The following CACTIN variants were observed in gnomAD, a reference collection of about 807,000 sequenced individuals.
The protein encoded by CACTIN is cactin, spliceosome C complex subunit, also known as splicing factor Cactin.
A neutral mutation model predicts 84.9 loss-of-function variants in CACTIN; 20 were observed. That is an observed-to-expected ratio of 0.24 (90% CI 0.17 to 0.34). CACTIN has a LOEUF of 0.34. CACTIN is among the 10% of genes least tolerant of loss of function. The pLI is 1.00. For missense variants in CACTIN, 897 were observed against 1,117.2 expected (o/e 0.80, Z 2.81); for synonymous variants, 549 against 467.9 (o/e 1.17, Z -2.24).
intron 1 of CACTIN, among the ~76,000 whole-genome samples, chr19:3,625,302 G>A (rs2033310767): frequency 6.6e-6 from 1 of 152,166 alleles, no homozygotes; most frequent in Non-Finnish European, 1.5e-5. Context: ...TCATTGCAGA[G>A]CCCTTAAATA....
intron 7 of CACTIN, chr19:3,614,025 CAGG>C: frequency 2.1e-6 from 1 of 465,540 alleles, no homozygotes; most frequent in South Asian, 2.4e-5. Context: ...TGGGAGGGCG[CAGG>C]CCTGGGCGCA....
At position 3,623,966 on chromosome 19, in the gene CACTIN, C is replaced by G; in HGVS notation, c.364G>C (p.Gly122Arg). 1 of 1,603,606 alleles carries G rather than the reference C, an allele frequency of 6.2e-7. No individual in the cohort carries two copies. Among genetic ancestry groups the G allele is most frequent in the Non-Finnish European group, 8.5e-7 (1 of 1,178,596 alleles). The change falls in exon 2 of 10, where the codon GGG becomes CGG. Residue 122 changes from glycine (G) to arginine (R), a missense_variant. Gly to Arg is a moderately radical substitution (Grantham distance 125). Around this residue, in one of 8 missense-constraint regions of CACTIN, gnomAD observed 261 missense variants for 243.8 expected, o/e 1.07. Transcript: ENST00000429344. ...SSSASSSASPGRSQSPRAAAA... is the reference protein window; with the variant it reads ...SSSASSSASPRRSQSPRAAAA... ...GCCGCCCGGGGGCTCTGGGATCGCCCTGGAGACGCGGAGCTGGATGCTGAG... is the reference window on the plus strand; with the variant it reads ...GCCGCCCGGGGGCTCTGGGATCGCCGTGGAGACGCGGAGCTGGATGCTGAG...
intron 7 of CACTIN, 126 bp downstream of exon 7, chr19:3,614,271 T>C: frequency 9.9e-7 from 1 of 1,012,592 alleles, no homozygotes; most frequent in Admixed American, 2.1e-5. Context: ...GTCGGCACTT[T>C]CCTGCCCCTC....
Position 3,613,102 on chromosome 19 carries a change from T to C in CACTIN, c.1742A>G (p.Asp581Gly), listed in dbSNP as rs754383114. 1.9e-6 allele frequency: 3 copies of C among 1,593,936 alleles called. No individual in the cohort carries two copies. In the Admixed American group the frequency reaches 5.1e-5, roughly 27 times the overall value. ...LDAHVLEPDE[D>G]LQRLQLSRQQ... ...GCGCGAGAGCTGCAGGCGCTGCAGG[T>C]CCTCATCCGGTTCCAGCACGTGCGC... Residue 581 changes from aspartate to glycine, a missense_variant, in exon 9 of 10, where the codon GAC becomes GGC. Asp to Gly is a moderately conservative substitution (Grantham distance 94). Around this residue, in one of 8 missense-constraint regions of CACTIN, gnomAD observed 243 missense variants for 239.9 expected, o/e 1.01. Transcript: ENST00000429344.
At chr19:3,616,399 A>T (rs1012120446) in intron 6 of CACTIN, 1 of 152,134 alleles carries the variant, frequency 6.6e-6, no homozygotes, top group South Asian at 2.1e-4. Context: ...TCACGAGGTC[A>T]GGAGATCAAG....
In CACTIN at chr19:3,612,160, G is replaced by T. The variant is rs772866336; in HGVS notation, c.2040C>A (p.Ile680=). Residue 680 remains isoleucine, a synonymous_variant, in exon 10 of 10, where the codon ATC becomes ATA. Transcript: ENST00000429344. ...GCTTGTCGATGAGGTCGGGGTAGAA[G>T]ATGTTGAACTTGTATCCCTGCACGA... The part of the protein sequence containing the change: ...PKIVQGYKFN[I]FYPDLIDKRS... 4 of 1,613,730 alleles carry T rather than the reference G, an allele frequency of 2.5e-6. No homozygotes were observed. The South Asian group carries it at 3.3e-5, about 13-fold the overall frequency.
At position 3,610,949 on chromosome 19, in the gene CACTIN, G is replaced by A. The variant is rs753298318; in HGVS notation, c.*974C>T. The A allele has an allele frequency of 1.5e-5, 7 of 456,628 alleles. No individual in the cohort carries two copies. Among genetic ancestry groups the A allele is most frequent in the Non-Finnish European group, 2.6e-5 (6 of 226,988 alleles). 28.3% of individuals were successfully genotyped at this position (456,628 alleles called of 1,614,324 possible). On this transcript the variant is annotated 3_prime_UTR_variant, in exon 10 of 10. Coordinates refer to ENST00000429344, the MANE Select transcript of CACTIN (RefSeq NM_001080543.2). ...CACTCCGACCTGGGCTGTGGCACCC[G>A]TGTGGCCCTCGGCCCTCCTGGCCTG...
intron 2 of CACTIN, 34 bp from the exon 3 acceptor site, chr19:3,620,836 G>A (rs757977018): frequency 6.4e-7 from 1 of 1,565,644 alleles, no homozygotes; most frequent in African/African-American, 1.4e-5. Flanking sequence ...CCTGAGCACA[G>A]ACCCGCCCCC....
chr19:3,618,428 G>C (rs567333392), intron 6 of CACTIN, among the ~76,000 whole-genome samples: 11 of 152,336 alleles, frequency 7.2e-5, no homozygotes, highest in East Asian at 1.9e-4. Flanking sequence ...ACACGGAGGG[G>C]GGGGAAACGT....
chr19:3,624,024 C>T lies in CACTIN; in HGVS notation c.306G>A (p.Arg102=). The T allele has an allele frequency of 6.2e-7, 1 of 1,605,558 alleles. No homozygotes were observed. ...GAGACCACGAGCGTGCGCGCCGTCG[C>T]CGGCGAGCCCACTGGCCCCGTGACT... is the stretch of plus-strand genomic sequence containing the variant. ...EEQSRGQWAR[R]RRRARSWSPS... The change falls in exon 2 of 10, where the codon CGG becomes CGA. Residue 102 remains arginine, a synonymous_variant. Coordinates refer to ENST00000429344, the MANE Select transcript of CACTIN (RefSeq NM_001080543.2).
chr19:3,613,103 C>T lies in CACTIN; in HGVS notation c.1741G>A (p.Asp581Asn). ...LDAHVLEPDE[D>N]LQRLQLSRQQ... is the part of the protein sequence containing the mutation. ...CGCGAGAGCTGCAGGCGCTGCAGGT[C>T]CTCATCCGGTTCCAGCACGTGCGCG... The change falls in exon 9 of 10, where the codon GAC (aspartate) becomes AAC (asparagine). Residue 581 changes from aspartate (D) to asparagine (N), a missense_variant. Physicochemically the swap from Asp to Asn is conservative, Grantham distance 23 (BLOSUM62 1). Transcript: ENST00000429344. 1 of 1,598,200 alleles carries T rather than the reference C, an allele frequency of 6.3e-7. No individual in the cohort carries two copies.
In CACTIN at chr19:3,611,871, A is replaced by G. The variant is rs1472049641; in HGVS notation, c.*52T>C. The G allele has an allele frequency of 6.3e-7, 1 of 1,595,372 alleles. No individual in the cohort carries two copies. The highest frequency in any genetic ancestry group is 1.7e-5 in the Admixed American group (1 of 57,194). On this transcript the variant is annotated 3_prime_UTR_variant, in exon 10 of 10. Coordinates refer to ENST00000429344, the MANE Select transcript of CACTIN (RefSeq NM_001080543.2). Reference sequence around the variant, plus strand: ...CCCGGAGTGACCACCAGCTTCACCGAAGCCCCTTTACTGTGCCCCCGAGGA... The same window carrying G: ...CCCGGAGTGACCACCAGCTTCACCGGAGCCCCTTTACTGTGCCCCCGAGGA...
At chr19:3,618,795 C>A in intron 6 of CACTIN, 80 bp downstream of exon 6, 1 of 1,158,552 alleles carries the variant, frequency 8.6e-7, no homozygotes, top group South Asian at 1.4e-5. Flanking sequence ...GCACCAGGCC[C>A]CACAGCAAGT....
chr19:3,626,549 C>G, intron 1 of CACTIN, 47 bp downstream of exon 1: 1 of 1,336,904 alleles, frequency 7.5e-7, no homozygotes, highest in South Asian at 1.8e-5. Context: ...TCGGGCGCTC[C>G]TGAGGTAGGA....
At chr19:3,613,664 C>G (rs1212298577) in intron 7 of CACTIN, 78 bp from the exon 8 acceptor site, 1 of 1,520,984 alleles carries the variant, frequency 6.6e-7, no homozygotes, top group African/African-American at 1.4e-5. Flanking sequence ...TCTCACGCCC[C>G]TTATTGCTGC....
chr19:3,623,034 G>C (rs989072864), intron 2 of CACTIN, among the ~76,000 whole-genome samples: 1 of 152,126 alleles, frequency 6.6e-6, no homozygotes, highest in Non-Finnish European at 1.5e-5. Flanking sequence ...TTAGGAGTTC[G>C]AGACCAGCCT....
At position 3,611,509 on chromosome 19, in the gene CACTIN, G is replaced by A. The variant is rs1020541684; in HGVS notation, c.*414C>T. Reference sequence around the variant, plus strand: ...CACGAGCCTGGCACCGCCAAGCCCAGGCCCCTCTGGCCCATCTCCACAACA... The same window carrying A: ...CACGAGCCTGGCACCGCCAAGCCCAAGCCCCTCTGGCCCATCTCCACAACA... On this transcript the variant is annotated 3_prime_UTR_variant, in exon 10 of 10. Coordinates refer to ENST00000429344, the MANE Select transcript of CACTIN (RefSeq NM_001080543.2). 8.8e-5 allele frequency: 32 copies of A among 363,248 alleles called. No homozygotes were observed. Among genetic ancestry groups the A allele is most frequent in the South Asian group, 6.5e-4 (31 of 47,916 alleles). 22.5% of individuals were successfully genotyped at this position (363,248 alleles called of 1,614,324 possible).
chr19:3,613,412 C>G (rs1270327841), intron 8 of CACTIN, 47 bp from the exon 9 acceptor site: 2 of 1,541,994 alleles, frequency 1.3e-6, no homozygotes, highest in East Asian at 4.9e-5. Flanking sequence ...CACGGCCCCT[C>G]CATCCTGCTC....
rs777472046 is a variant in CACTIN at position 3,614,398 on chromosome 19, G to A, written c.1354C>T (p.Arg452Trp). 1.3e-6 allele frequency: 2 copies of A among 1,569,696 alleles called. No individual in the cohort carries two copies. The highest frequency in any genetic ancestry group is 1.7e-6 in the Non-Finnish European group (2 of 1,157,586). The change falls in exon 7 of 10, where the codon CGG becomes TGG. Residue 452 changes from arginine to tryptophan, a missense_variant and splice_region_variant. Around this residue, in one of 8 missense-constraint regions of CACTIN, gnomAD observed 304 missense variants for 444.3 expected, o/e 0.68. Transcript: ENST00000429344. ...QQLRAHMARA[R>W]LRERHQDVLR... Reference sequence around the variant, plus strand: ...CTGGTACCCGCACCTAGTGCTCACCGGGCCCGTGCCATGTGGGCACGAAGC... The same window carrying A: ...CTGGTACCCGCACCTAGTGCTCACCAGGCCCGTGCCATGTGGGCACGAAGC...
Sources: gnomAD v4.1 joint callset for allele counts (sites outside exome capture counted in the v4.1 genomes callset) on GRCh38, gnomAD v4.1.1 for gene constraint, gnomAD v4.1.1 regional missense constraint, MANE v1.5 for transcripts, NCBI Gene and HGNC (gene_info 2026-07-23, HGNC 2026-07-21) for gene names.